IGF1R: variants seen among roughly 807,000 people sequenced by gnomAD.
The protein encoded by IGF1R is insulin like growth factor 1 receptor.
In IGF1R, 44 loss-of-function variants were observed where a neutral mutation model predicts 144.6. The observed-to-expected ratio is 0.30, with a 90% CI of 0.24 to 0.39. The LOEUF is 0.39. IGF1R is among the 10% of genes least tolerant of loss of function. The pLI is 1.00. For synonymous variants in IGF1R, 795 were observed against 722.8 expected (o/e 1.10, Z -1.60); for missense variants, 1,355 against 1,833.7 (o/e 0.74, Z 4.77).
intron 1 of IGF1R, among the ~76,000 whole-genome samples, chr15:98,686,999 T>A (rs1207766774): frequency 6.6e-6 from 1 of 152,174 alleles, no homozygotes; most frequent in Non-Finnish European, 1.5e-5. Flanking sequence ...ATGAATTCAC[T>A]TAAAAGCTGA....
intron 2 of IGF1R, among the ~76,000 whole-genome samples, chr15:98,737,867 G>T (rs1596252220): frequency 6.6e-6 from 1 of 152,096 alleles, no homozygotes; most frequent in Admixed American, 6.6e-5. Context: ...AGCCCTCTGG[G>T]TTTGTGCCCT....
intron 1 of IGF1R, among the ~76,000 whole-genome samples, chr15:98,701,266 GAAGGCTAATT>G (rs2053724969): frequency 6.7e-6 from 1 of 150,090 alleles, no homozygotes; most frequent in South Asian, 2.1e-4. Flanking sequence ...TGTAGTAAAA[GAAGGCTAATT>G]ATGTTTCCTG....
intron 1 of IGF1R, among the ~76,000 whole-genome samples, chr15:98,667,864 T>A (rs2052784470): frequency 6.6e-6 from 1 of 151,978 alleles, no homozygotes; most frequent in Non-Finnish European, 1.5e-5. Flanking sequence ...TGTTTGTGTA[T>A]GTGCTTGTTT....
At chr15:98,937,407 C>T (rs2684801) in intron 17 of IGF1R, among the ~76,000 whole-genome samples, 61,582 of 151,932 alleles carry the variant, frequency 0.41, 12,691 homozygotes, top group South Asian at 0.53. Context: ...CTCAGACAGC[C>T]GCTGCAGGTT....
At chr15:98,895,919 C>G (rs2014171566) in intron 3 of IGF1R, among the ~76,000 whole-genome samples, 1 of 152,088 alleles carries the variant, frequency 6.6e-6, no homozygotes, top group Non-Finnish European at 1.5e-5. Context: ...CTTTCTGACC[C>G]TTGTTCTATA....
intron 2 of IGF1R, among the ~76,000 whole-genome samples, chr15:98,831,885 A>G (rs771492224): frequency 2.2e-4 from 33 of 151,978 alleles, no homozygotes; most frequent in Non-Finnish European, 4.3e-4. Flanking sequence ...GCAGGGTGCA[A>G]TTGCAGGCCG....
intron 2 of IGF1R, among the ~76,000 whole-genome samples, chr15:98,736,819 C>T (rs2054621920): frequency 6.6e-6 from 1 of 151,908 alleles, no homozygotes; most frequent in African/African-American, 2.4e-5. Context: ...ACCATGTTGC[C>T]CAGGCTGGTC....
intron 1 of IGF1R, among the ~76,000 whole-genome samples, chr15:98,656,494 A>C (rs1418422389): frequency 6.6e-6 from 1 of 152,168 alleles, no homozygotes; most frequent in African/African-American, 2.4e-5. Flanking sequence ...GGTTGCAGTG[A>C]GCCAAGATGA....
chr15:98,952,438 T>G (rs2016817439), intron 20 of IGF1R, among the ~76,000 whole-genome samples: 1 of 152,154 alleles, frequency 6.6e-6, no homozygotes, highest in Non-Finnish European at 1.5e-5. Context: ...ATATAAGCCA[T>G]GGAGTAAGAG....
At chr15:98,693,664 G>A (rs2053532378) in intron 1 of IGF1R, among the ~76,000 whole-genome samples, 1 of 152,194 alleles carries the variant, frequency 6.6e-6, no homozygotes, top group African/African-American at 2.4e-5. Context: ...GGAGTGCAAT[G>A]GCATGATCTC....
intron 2 of IGF1R, among the ~76,000 whole-genome samples, chr15:98,774,795 AACTT>A (rs922159646): frequency 9.9e-5 from 15 of 151,300 alleles, no homozygotes; most frequent in African/African-American, 3.4e-4. Context: ...CAACAGTGTG[AACTT>A]ACTTAACATT....
At chr15:98,897,867 C>T (rs560533294) in intron 4 of IGF1R, among the ~76,000 whole-genome samples, 12 of 151,264 alleles carry the variant, frequency 7.9e-5, no homozygotes, top group South Asian at 2.1e-4. Context: ...GAATAAATAT[C>T]GTAAAATGGC....
Position 98,929,589 on chromosome 15 carries a change from C to T in IGF1R, c.2814C>T (p.Ile938=), listed in dbSNP as rs199780163. 9.4e-5 allele frequency: 151 copies of T among 1,614,120 alleles called. No homozygotes were observed. The highest frequency in any genetic ancestry group is 7.9e-5 in the Non-Finnish European group (93 of 1,179,956). The part of the protein sequence containing the change: ...TGYENFIHLI[I]ALPVAVLLIV... ...ATGAAAACTTCATCCATCTGATCAT[C>T]GCTCTGCCCGTCGCTGTCCTGTTGA... Residue 938 remains isoleucine, a synonymous_variant, in exon 14 of 21, where the codon ATC becomes ATT. Coordinates refer to ENST00000650285, the MANE Select transcript of IGF1R (RefSeq NM_000875.5).
Position 98,962,457 on chromosome 15 carries a change from G to A in IGF1R, c.*5015G>A. 4.3e-6 allele frequency: 1 copy of A among 233,802 alleles called. No individual in the cohort carries two copies. Among genetic ancestry groups the A allele is most frequent in the Non-Finnish European group, 8.5e-6 (1 of 118,100 alleles). 14.5% of individuals were successfully genotyped at this position (233,802 alleles called of 1,614,324 possible). A position where few individuals can be genotyped will look rare whatever the true frequency, so the allele number is the denominator to read the frequency against. ...TTCTTTCTTCACTCTGAAGTAGCTG[G>A]TGGTACAAATGAGAACTTCAAGAGA... is the stretch of plus-strand genomic sequence containing the variant. On this transcript the variant is annotated 3_prime_UTR_variant, in exon 21 of 21. Transcript: ENST00000650285.
chr15:98,662,447 G>T (rs1295203238), intron 1 of IGF1R, among the ~76,000 whole-genome samples: 1 of 152,100 alleles, frequency 6.6e-6, no homozygotes, highest in East Asian at 1.9e-4. Context: ...GTCCCTATCT[G>T]TGGAAGGGGA....
intron 1 of IGF1R, among the ~76,000 whole-genome samples, chr15:98,670,265 G>C (rs775752954): frequency 1.3e-5 from 2 of 152,138 alleles, no homozygotes; most frequent in Admixed American, 1.3e-4. Flanking sequence ...AGATCATTTT[G>C]CCCAGAGGGA....
intron 1 of IGF1R, among the ~76,000 whole-genome samples, chr15:98,674,474 T>C (rs1273440756): frequency 6.6e-6 from 1 of 152,200 alleles, no homozygotes; most frequent in African/African-American, 2.4e-5. Context: ...ATATGAGGTC[T>C]ACAGAGCGCG....
At chr15:98,652,378 T>G (rs551126011) in intron 1 of IGF1R, among the ~76,000 whole-genome samples, 5 of 152,232 alleles carry the variant, frequency 3.3e-5, no homozygotes, top group Admixed American at 6.5e-5. Flanking sequence ...ATGTGAAATG[T>G]TGGTGTTTAA....
intron 2 of IGF1R, among the ~76,000 whole-genome samples, chr15:98,830,715 T>C (rs1002976930): frequency 1.3e-5 from 2 of 151,706 alleles, no homozygotes; most frequent in African/African-American, 4.9e-5. Flanking sequence ...GCAATTCTCC[T>C]GCGTCAGCCT....
Sources: gnomAD v4.1 joint callset for allele counts (sites outside exome capture counted in the v4.1 genomes callset) on GRCh38, gnomAD v4.1.1 for gene constraint, MANE v1.5 for transcripts, NCBI Gene and HGNC (gene_info 2026-07-23, HGNC 2026-07-21) for gene names.